The following CWC27 variants were observed in gnomAD, a reference collection of about 807,000 sequenced individuals.
CWC27 encodes spliceosome-associated protein CWC27 homolog.
Under a neutral mutation model 63.6 loss-of-function variants are expected in CWC27, and 47 were observed. The ratio of observed to expected loss-of-function variants is 0.74; its 90% CI spans 0.58 to 0.94. The LOEUF is 0.94. Ranked by LOEUF, CWC27 falls within the 40% of genes least tolerant of loss-of-function variation. The pLI, the probability that CWC27 is intolerant of heterozygous loss-of-function variation, is 0.00. For missense variants in CWC27, 495 were observed against 554.3 expected (o/e 0.89, Z 1.07); for synonymous variants, 175 against 179.8 (o/e 0.97, Z 0.22).
intron 11 of CWC27, among the ~76,000 whole-genome samples, chr5:64,958,548 A>G (rs114107043): frequency 6.2e-4 from 94 of 152,332 alleles, no homozygotes; most frequent in African/African-American, 2.0e-3. Context: ...TAAAACTCCT[A>G]GATATGAACT....
At chr5:64,836,616 T>C (rs1745665617) in intron 10 of CWC27, among the ~76,000 whole-genome samples, 1 of 152,020 alleles carries the variant, frequency 6.6e-6, no homozygotes, top group Admixed American at 6.6e-5. Flanking sequence ...AGTTGGCTCA[T>C]TCACATCAAG....
At position 64,829,624 on chromosome 5, in the gene CWC27, T is replaced by C. The variant is rs13355054; in HGVS notation, c.938+25238T>C. The stretch of plus-strand genomic sequence containing the variant: ...GAACTTCCTGAGGAAGGAAAATCAC[T>C]TTAATACTTTTATTCACTTTTTTTT... On this transcript the variant is annotated intron_variant, in intron 10 of 13. Transcript: ENST00000381070. Among the ~76,000 whole-genome samples, 1,388 of 151,094 alleles carry C rather than the reference T, an allele frequency of 9.2e-3. 28 individuals carry two copies. The highest frequency in any genetic ancestry group is 0.032 in the African/African-American group (1,317 of 40,972).
chr5:64,786,734 G>A, intron 6 of CWC27, 107 bp downstream of exon 6: 1 of 632,706 alleles, frequency 1.6e-6, no homozygotes. Context: ...GGAGAGGCCA[G>A]TTTGAACCAG....
At position 64,904,477 on chromosome 5, in the gene CWC27, G is replaced by A. The variant is rs550340155; in HGVS notation, c.1042+18931G>A. On this transcript the variant is annotated intron_variant, in intron 11 of 13. Coordinates refer to ENST00000381070, the MANE Select transcript of CWC27 (RefSeq NM_005869.4). ...ATTCTCATGGCTGACAGGAAGCCTC[G>A]GTTCCTTACCATATGCACCTCTCCA... Among the ~76,000 whole-genome samples, 5 of 152,246 alleles carry A rather than the reference G, an allele frequency of 3.3e-5. No homozygotes were observed. The East Asian group carries it at 5.8e-4, about 18-fold the overall frequency.
chr5:65,004,568 T>C (rs956212261), intron 13 of CWC27, among the ~76,000 whole-genome samples: 1 of 132,740 alleles, frequency 7.5e-6, no homozygotes, highest in Non-Finnish European at 1.6e-5. Context: ...ATCTATCTCG[T>C]TGAATTTTTC....
At chr5:64,965,829 C>T (rs916595543) in intron 11 of CWC27, among the ~76,000 whole-genome samples, 1 of 152,150 alleles carries the variant, frequency 6.6e-6, no homozygotes, top group Admixed American at 6.5e-5. Context: ...CTTGCCATCA[C>T]TACCACTAAT....
At chr5:65,014,163 C>G (rs1750011059) in intron 13 of CWC27, among the ~76,000 whole-genome samples, 1 of 149,070 alleles carries the variant, frequency 6.7e-6, no homozygotes. Context: ...AACACAACCT[C>G]TCTGAAAATA....
intron 11 of CWC27, among the ~76,000 whole-genome samples, chr5:64,939,984 C>T (rs1580738867): frequency 6.6e-6 from 1 of 152,330 alleles, no homozygotes; most frequent in East Asian, 1.9e-4. Flanking sequence ...GCTGGGGTGT[C>T]CCAGGTCAAC....
At chr5:64,816,352 G>A (rs1180247614) in intron 10 of CWC27, among the ~76,000 whole-genome samples, 3 of 152,168 alleles carry the variant, frequency 2.0e-5, no homozygotes, top group African/African-American at 7.2e-5. Flanking sequence ...GAATGCCAGT[G>A]TTTAACTGGA....
chr5:64,966,255 ATT>A (rs1230819433), intron 11 of CWC27, among the ~76,000 whole-genome samples: 3 of 152,104 alleles, frequency 2.0e-5, no homozygotes, highest in African/African-American at 7.2e-5. Flanking sequence ...AAAGAAATGT[ATT>A]TGTATGGAGA....
chr5:64,835,092 A>G (rs1289117424), intron 10 of CWC27, among the ~76,000 whole-genome samples: 3 of 151,808 alleles, frequency 2.0e-5, no homozygotes, highest in Non-Finnish European at 4.4e-5. Flanking sequence ...TACGGGTTTT[A>G]CATTTATAAG....
At chr5:64,897,058 A>G (rs1303411093) in intron 11 of CWC27, among the ~76,000 whole-genome samples, 1 of 152,042 alleles carries the variant, frequency 6.6e-6, no homozygotes, top group Non-Finnish European at 1.5e-5. Flanking sequence ...CTAAAATACA[A>G]AAAAATTAGC....
In CWC27 at chr5:64,900,127, C is replaced by G. The variant is rs140419307; in HGVS notation, c.1042+14581C>G. On this transcript the variant is annotated intron_variant, in intron 11 of 13. Transcript: ENST00000381070. ...AGTCATGTGATAGGTGTATGTTCAA[C>G]TTTTTGAAAACTGCCAAACTGTTTT... is the stretch of plus-strand genomic sequence containing the variant. 6.6e-5 allele frequency among the ~76,000 whole-genome samples: 10 copies of G among 152,308 alleles called. No homozygotes were observed. The East Asian group carries it at 1.7e-3, about 26-fold the overall frequency.
intron 13 of CWC27, among the ~76,000 whole-genome samples, chr5:65,005,044 A>G (rs985569133): frequency 5.9e-5 from 9 of 151,308 alleles, no homozygotes; most frequent in African/African-American, 1.9e-4. Flanking sequence ...TGAGTTCCTC[A>G]GTGATTAGGC....
At chr5:64,916,897 G>GTAT (rs1747899786) in intron 11 of CWC27, among the ~76,000 whole-genome samples, 2 of 146,164 alleles carry the variant, frequency 1.4e-5, no homozygotes. Context: ...AGTAGTAGTA[G>GTAT]TAGTAGTAGT....
intron 10 of CWC27, among the ~76,000 whole-genome samples, chr5:64,854,633 A>G (rs1368697089): frequency 2.0e-5 from 3 of 152,266 alleles, no homozygotes; most frequent in Non-Finnish European, 2.9e-5. Context: ...GATCTTGGAT[A>G]GAGATTATTA....
chr5:64,931,021 C>A (rs989926470), intron 11 of CWC27, among the ~76,000 whole-genome samples: 1 of 152,078 alleles, frequency 6.6e-6, no homozygotes, highest in Non-Finnish European at 1.5e-5. Context: ...AATGGCAATA[C>A]ATGCTCCTGG....
chr5:64,951,774 G>A (rs1264971046), intron 11 of CWC27, among the ~76,000 whole-genome samples: 1 of 151,848 alleles, frequency 6.6e-6, no homozygotes, highest in Non-Finnish European at 1.5e-5. Context: ...TTTTCACTTA[G>A]CACAATGTTT....
At chr5:64,943,562 T>C (rs529203372) in intron 11 of CWC27, among the ~76,000 whole-genome samples, 3 of 152,362 alleles carry the variant, frequency 2.0e-5, no homozygotes, top group East Asian at 3.9e-4. Context: ...GTTCATTTAT[T>C]CTACAAATAC....
Sources: allele counts gnomAD v4.1 joint callset (sites outside exome capture counted in the v4.1 genomes callset), GRCh38; gene constraint gnomAD v4.1.1; transcripts MANE v1.5; gene names NCBI Gene and HGNC (gene_info 2026-07-23, HGNC 2026-07-21).